ZNF497: variants seen among roughly 807,000 people sequenced by gnomAD.
The protein encoded by ZNF497 is zinc finger-like protein.
For synonymous variants in ZNF497, 422 were observed against 313.7 expected, an observed-to-expected ratio of 1.35 and a Z score of -3.65; for missense variants, 930 against 714.0, an observed-to-expected ratio of 1.30 and a Z score of -3.45.
chr19:58,358,735 C>G, intron 1 of ZNF497, 150 bp from the exon 2 acceptor site: 3 of 466,820 alleles, frequency 6.4e-6, no homozygotes, highest in Non-Finnish European at 1.3e-5. Context: ...CTGGAGATCT[C>G]TGACTCTGCC....
At position 58,356,729 on chromosome 19, in the gene ZNF497, G is replaced by A. The variant is rs780037970; in HGVS notation, c.907C>T (p.Pro303Ser). ...RRTHSSEKPF[P>S]CAECGKAFRE... is the part of the protein sequence containing the mutation. ...AAAGCCTTTCCGCACTCGGCGCAGG[G>A]GAAGGGCTTCTCGCTGCTGTGCGTG... Residue 303 changes from proline to serine, a missense_variant, in exon 3 of 3, where the codon CCC (proline) becomes TCC (serine). By Grantham distance (74) the Pro-to-Ser change is moderately conservative (BLOSUM62 -1). Transcript: ENST00000311044. 3 of 1,569,930 alleles carry A rather than the reference G, an allele frequency of 1.9e-6. No individual in the cohort carries two copies. Among genetic ancestry groups the A allele is most frequent in the South Asian group, 1.1e-5 (1 of 87,316 alleles).
chr19:58,357,255 C>A lies in ZNF497; in HGVS notation c.381G>T (p.Val127=). 1.2e-6 allele frequency: 2 copies of A among 1,612,816 alleles called. No homozygotes were observed. The highest frequency in any genetic ancestry group is 1.7e-6 in the Non-Finnish European group (2 of 1,179,734). Residue 127 remains valine (V), a synonymous_variant, in exon 3 of 3, where the codon GTG becomes GTT. Coordinates refer to ENST00000311044, the MANE Select transcript of ZNF497 (RefSeq NM_198458.3). ...QGSYLLQHRR[V]HTGEKPYTCP... ...ACGTGTACGGCTTCTCGCCTGTGTGCACGCGCCGATGCTGCAGCAAGTAAG... is the reference window on the plus strand; with the variant it reads ...ACGTGTACGGCTTCTCGCCTGTGTGAACGCGCCGATGCTGCAGCAAGTAAG...
In ZNF497 at chr19:58,356,906, G is replaced by C. The variant is rs955087098; in HGVS notation, c.730C>G (p.Arg244Gly). 1.9e-6 allele frequency: 3 copies of C among 1,547,638 alleles called. No homozygotes were observed. The African/African-American group carries it at 4.4e-5, about 23-fold the overall frequency. ...CCACAGTCCCGGCAGGCGTGCGGCC[G>C]CGCGCCCGTGTGCACGCGCCGGTGC... is the stretch of plus-strand genomic sequence containing the variant. ...LEHRRVHTGA[R>G]PHACRDCGKA... Residue 244 changes from arginine to glycine, a missense_variant, in exon 3 of 3, where the codon CGG becomes GGG. Arg to Gly is a moderately radical substitution (Grantham distance 125). Transcript: ENST00000311044.
intron 2 of ZNF497, 56 bp from the exon 3 acceptor site, chr19:58,357,705 A>G: frequency 6.9e-7 from 1 of 1,452,532 alleles, no homozygotes; most frequent in Non-Finnish European, 9.1e-7. Flanking sequence ...CACCAGACAG[A>G]GGGCCTGAGG....
chr19:58,358,379 A>G, intron 2 of ZNF497, 110 bp downstream of exon 2: 2 of 1,192,586 alleles, frequency 1.7e-6, no homozygotes, highest in Non-Finnish European at 2.2e-6. Flanking sequence ...CGAAGTCTCT[A>G]CAGCGAGCAA....
chr19:58,360,270 C>T (rs919445075), intron 1 of ZNF497, among the ~76,000 whole-genome samples: 1 of 152,148 alleles, frequency 6.6e-6, no homozygotes. Flanking sequence ...CTGAATTACA[C>T]ACTTTAAAAG....
chr19:58,356,172 G>A lies in ZNF497; in HGVS notation c.1464C>T (p.His488=). Residue 488 remains histidine, a synonymous_variant, in exon 3 of 3, where the codon CAC becomes CAT. Transcript: ENST00000311044. ...PFSHRCNLNE[H]QKRHGGRAAP is the part of the protein sequence containing the mutation. ...CAGCGCGGCCCCCGTGCCGCTTCTG[G>A]TGCTCGTTGAGGTTGCAACGGTGGC... 5.1e-6 allele frequency: 8 copies of A among 1,581,296 alleles called. No individual in the cohort carries two copies. Among genetic ancestry groups the A allele is most frequent in the Non-Finnish European group, 6.9e-6 (8 of 1,161,878 alleles).
chr19:58,359,625 C>T (rs542788867), intron 1 of ZNF497: 13 of 360,500 alleles, frequency 3.6e-5, no homozygotes, highest in African/African-American at 2.3e-4. Flanking sequence ...GAACAGGACA[C>T]CCAGAGTCAG....
In ZNF497 at chr19:58,356,276, T is replaced by C; in HGVS notation, c.1360A>G (p.Lys454Glu). 6.3e-7 allele frequency: 1 copy of C among 1,591,274 alleles called. No individual in the cohort carries two copies. Among genetic ancestry groups the C allele is most frequent in the Non-Finnish European group, 8.5e-7 (1 of 1,171,032 alleles). Residue 454 changes from lysine (K) to glutamate (E), a missense_variant, in exon 3 of 3, where the codon AAG (lysine) becomes GAG (glutamate). Coordinates refer to ENST00000311044, the MANE Select transcript of ZNF497 (RefSeq NM_198458.3). ...CGCCGGTGGCTTAAGAGCTCCGACT[T>C]GCGCACGAAGGCCTTGCTGCAGTGG... is the stretch of plus-strand genomic sequence containing the variant. Reference protein sequence around the residue: ...CAHCSKAFVRKSELLSHRRTH... With the variant: ...CAHCSKAFVRESELLSHRRTH...
Position 58,354,781 on chromosome 19 carries a change from G to A in ZNF497, c.*1358C>T, listed in dbSNP as rs2051999747. ...GTGCTGAGGCCTGAAGTCATAACCA[G>A]ACCTGGGGCACTCAGACAAGGACTG... On this transcript the variant is annotated 3_prime_UTR_variant, in exon 3 of 3. Coordinates refer to ENST00000311044, the MANE Select transcript of ZNF497 (RefSeq NM_198458.3). The A allele has an allele frequency of 6.6e-6, 1 of 152,424 alleles. No homozygotes were observed. Among genetic ancestry groups the A allele is most frequent in the South Asian group, 2.1e-4 (1 of 4,836 alleles). The allele number at this position is 152,424 out of a possible 1,614,324, so 9.4% of individuals were successfully genotyped here. A position where few individuals can be genotyped will look rare whatever the true frequency, so the allele number is the denominator to read the frequency against.
Position 58,356,913 on chromosome 19 carries a change from C to G in ZNF497, c.723G>C (p.Thr241=). The change falls in exon 3 of 3, where the codon ACG becomes ACC. Residue 241 remains threonine (T), a synonymous_variant. Transcript: ENST00000311044. The stretch of plus-strand genomic sequence containing the variant: ...CCCGGCAGGCGTGCGGCCGCGCGCC[C>G]GTGTGCACGCGCCGGTGCTCCAGGA... ...SNFLEHRRVH[T]GARPHACRDC... 15 of 1,592,240 alleles carry G rather than the reference C, an allele frequency of 9.4e-6. No individual in the cohort carries two copies. The highest frequency in any genetic ancestry group is 1.3e-5 in the Non-Finnish European group (15 of 1,174,006).
intron 1 of ZNF497, chr19:58,359,561 CTGTCT>C: frequency 2.3e-6 from 1 of 431,742 alleles, no homozygotes; most frequent in Non-Finnish European, 4.7e-6. Context: ...CTGCCCTGCC[CTGTCT>C]CCTTGGCACC....
intron 1 of ZNF497, chr19:58,359,368 G>A: frequency 1.2e-6 from 1 of 820,120 alleles, no homozygotes; most frequent in South Asian, 1.4e-5. Context: ...AGGCCACGAA[G>A]GTCCCCTCCT....
rs1252946985 is a variant in ZNF497, at chr19:58,356,274, C to G, written c.1362G>C (p.Lys454Asn). 1 of 1,570,970 alleles carries G rather than the reference C, an allele frequency of 6.4e-7. No individual in the cohort carries two copies. The highest frequency in any genetic ancestry group is 8.6e-7 in the Non-Finnish European group (1 of 1,160,254). Residue 454 changes from lysine (K) to asparagine (N), a missense_variant, in exon 3 of 3, where the codon AAG (lysine) becomes AAC (asparagine). Transcript: ENST00000311044. The stretch of plus-strand genomic sequence containing the variant: ...TGCGCCGGTGGCTTAAGAGCTCCGA[C>G]TTGCGCACGAAGGCCTTGCTGCAGT... ...CAHCSKAFVR[K>N]SELLSHRRTH...
intron 1 of ZNF497, chr19:58,358,819 A>T (rs1478401429): frequency 2.2e-6 from 1 of 457,294 alleles, no homozygotes; most frequent in African/African-American, 2.0e-5. Flanking sequence ...CTCAGCCACC[A>T]ACCCACGACT....
Position 58,356,319 on chromosome 19 carries a change from C to G in ZNF497, c.1317G>C (p.Glu439Asp), listed in dbSNP as rs757917125. 6.3e-7 allele frequency: 1 copy of G among 1,578,078 alleles called. No homozygotes were observed. The highest frequency in any genetic ancestry group is 8.6e-7 in the Non-Finnish European group (1 of 1,163,938). ...LRQHQRLHSG[E>D]RPFVCAHCSK... ...TGCAGTGGGCGCAGACGAACGGCCT[C>G]TCGCCAGAGTGCAGGCGCTGGTGCT... The change falls in exon 3 of 3, where the codon GAG becomes GAC. Residue 439 changes from glutamate (E) to aspartate (D), a missense_variant. Glu to Asp is a conservative substitution (Grantham distance 45). Transcript: ENST00000311044.
At chr19:58,362,241 C>A (rs966851145) in intron 1 of ZNF497, among the ~76,000 whole-genome samples, 1 of 152,234 alleles carries the variant, frequency 6.6e-6, no homozygotes, top group Admixed American at 6.5e-5. Context: ...GAAGCTGCGG[C>A]CAGGTGGCGC....
chr19:58,358,149 GTCCCC>G (rs6146577), intron 2 of ZNF497: 558,375 of 1,288,934 alleles, frequency 0.43, 122,920 homozygotes, highest in Middle Eastern at 0.54. Context: ...TCCCTGGGTA[GTCCCC>G]TCCACACAGT....
chr19:58,359,129 C>T (rs1599914009), intron 1 of ZNF497: 2 of 1,230,424 alleles, frequency 1.6e-6, no homozygotes, highest in Non-Finnish European at 2.1e-6. Flanking sequence ...CCCTCGGGGC[C>T]CTGCTGCCTT....
Sources: gnomAD v4.1 joint callset for allele counts (sites outside exome capture counted in the v4.1 genomes callset) on GRCh38, gnomAD v4.1.1 for gene constraint, MANE v1.5 for transcripts, NCBI Gene and HGNC (gene_info 2026-07-23, HGNC 2026-07-21) for gene names.